The following INSL6 variants were observed in gnomAD, a reference collection of about 807,000 sequenced individuals.
INSL6 encodes insulin-like peptide INSL6.
Under a neutral mutation model 9.4 loss-of-function variants are expected in INSL6, and 16 were observed. The observed-to-expected ratio is 1.70, with a 90% CI of 1.15 to 2.59. The LOEUF is 2.59. INSL6 is among the 30% of genes most tolerant of loss of function. INSL6 has a pLI of 0.00. For synonymous variants in INSL6, 154 were observed against 96.9 expected (o/e 1.59, Z -3.46); for missense variants, 391 against 257.3 (o/e 1.52, Z -3.56).
chr9:4,998,251 A>G, the INSL6 span, among the ~76,000 whole-genome samples: 5 of 151,992 alleles, frequency 3.3e-5, no homozygotes, highest in African/African-American at 7.2e-5. Flanking sequence ...AAAAACTCCA[A>G]CGGGTTTTTT....
chr9:5,069,222 C>G, the INSL6 span: 1 of 1,566,400 alleles, frequency 6.4e-7, no homozygotes, highest in South Asian at 1.2e-5. Context: ...AGATAATTTT[C>G]TAGTTATTTT....
chr9:5,165,426 C>G (rs1346830236), intron 1 of INSL6, among the ~76,000 whole-genome samples: 1 of 150,434 alleles, frequency 6.6e-6, no homozygotes, highest in Non-Finnish European at 1.5e-5. Context: ...TTTCCCACAT[C>G]CCCATCAAAA....
chr9:5,104,532 A>C, the INSL6 span, among the ~76,000 whole-genome samples: 2 of 152,358 alleles, frequency 1.3e-5, no homozygotes, highest in African/African-American at 4.8e-5. Context: ...TCAATGGAAA[A>C]AGAGGGAATC....
chr9:5,041,266 CG>C, the INSL6 span: 1 of 1,307,594 alleles, frequency 7.6e-7, no homozygotes, highest in Admixed American at 1.8e-5. Context: ...TCATCGACCT[CG>C]GGCTGGCCAA....
At chr9:5,076,414 A>T in the INSL6 span, among the ~76,000 whole-genome samples, 1 of 152,212 alleles carries the variant, frequency 6.6e-6, no homozygotes, top group East Asian at 1.9e-4. Context: ...AGCCACCACC[A>T]TGATCAGTCA....
chr9:5,180,301 A>G (rs887155977), intron 1 of INSL6, among the ~76,000 whole-genome samples: 6 of 152,218 alleles, frequency 3.9e-5, no homozygotes, highest in African/African-American at 1.2e-4. Context: ...TGTTTGAACA[A>G]TATGAAATCA....
At chr9:5,037,277 A>C in the INSL6 span, among the ~76,000 whole-genome samples, 1 of 152,180 alleles carries the variant, frequency 6.6e-6, no homozygotes, top group Non-Finnish European at 1.5e-5. Flanking sequence ...AACTAGTTCA[A>C]CCATTGTGGA....
At chr9:5,104,387 AC>A in the INSL6 span, among the ~76,000 whole-genome samples, 1 of 152,226 alleles carries the variant, frequency 6.6e-6, no homozygotes, top group African/African-American at 2.4e-5. Flanking sequence ...CTCTGAATAG[AC>A]CAATAACAGG....
chr9:4,998,756 C>T, the INSL6 span, among the ~76,000 whole-genome samples: 1 of 151,214 alleles, frequency 6.6e-6, no homozygotes, highest in Non-Finnish European at 1.5e-5. Context: ...AAAAAAACAA[C>T]AAAAAACCAA....
intron 3 of INSL6, chr9:5,128,080 TTG>T (rs139964957): frequency 0.3 from 66,305 of 222,870 alleles, 6,959 homozygotes; most frequent in East Asian, 0.35. Flanking sequence ...ATGGTGGGTT[TTG>T]TGTGTGTGTG....
the INSL6 span, among the ~76,000 whole-genome samples, chr9:5,024,421 T>TG: frequency 2.6e-5 from 4 of 152,174 alleles, no homozygotes; most frequent in Non-Finnish European, 5.9e-5. Context: ...GGCTCTGTGT[T>TG]GGGGCTCTCA....
chr9:5,011,701 G>T, the INSL6 span, among the ~76,000 whole-genome samples: 1 of 151,954 alleles, frequency 6.6e-6, no homozygotes, highest in Non-Finnish European at 1.5e-5. Context: ...TACATTGTGG[G>T]TGATACAGTG....
the INSL6 span, among the ~76,000 whole-genome samples, chr9:5,050,413 G>T: frequency 6.6e-6 from 1 of 152,116 alleles, no homozygotes; most frequent in East Asian, 1.9e-4. Context: ...TGGGACTGCA[G>T]GTATGTGCCA....
the INSL6 span, among the ~76,000 whole-genome samples, chr9:5,063,963 C>G: frequency 6.6e-6 from 1 of 152,218 alleles, no homozygotes; most frequent in Non-Finnish European, 1.5e-5. Context: ...TGAGACCAGC[C>G]TGGCCAACAT....
the INSL6 span, among the ~76,000 whole-genome samples, chr9:5,035,095 C>G: frequency 6.6e-6 from 1 of 152,178 alleles, no homozygotes; most frequent in Non-Finnish European, 1.5e-5. Context: ...TCAGAGAATA[C>G]TATAAACACC....
chr9:5,175,241 T>C (rs1016332205), intron 1 of INSL6, among the ~76,000 whole-genome samples: 6 of 152,118 alleles, frequency 3.9e-5, no homozygotes, highest in African/African-American at 7.2e-5. Context: ...CGTCTGGCCA[T>C]GGAGTCATTC....
the INSL6 span, among the ~76,000 whole-genome samples, chr9:5,028,092 G>A: frequency 6.6e-6 from 1 of 152,174 alleles, no homozygotes; most frequent in African/African-American, 2.4e-5. Context: ...GCTTAGATCT[G>A]TGAGAGGAAA....
chr9:5,085,736 T>G, the INSL6 span: 1 of 753,486 alleles, frequency 1.3e-6, no homozygotes, highest in Non-Finnish European at 2.5e-6. Flanking sequence ...CAATTAAGGC[T>G]GTGGCGCGCT....
At chr9:5,144,309 G>A (rs1353683203) in intron 2 of INSL6, among the ~76,000 whole-genome samples, 1 of 152,166 alleles carries the variant, frequency 6.6e-6, no homozygotes, top group Non-Finnish European at 1.5e-5. Flanking sequence ...TAATTGTATG[G>A]CTTTGAGTGA....
Sources: allele counts gnomAD v4.1 joint callset (sites outside exome capture counted in the v4.1 genomes callset), GRCh38; gene constraint gnomAD v4.1.1; transcripts MANE v1.5; gene names NCBI Gene and HGNC (gene_info 2026-07-23, HGNC 2026-07-21).